Variants in SNRPD1 observed in about 807,000 individuals in gnomAD.
SNRPD1 encodes the protein small nuclear ribonucleoprotein Sm D1.
A neutral mutation model predicts 14.4 loss-of-function variants in SNRPD1; 1 was observed. The ratio of observed to expected loss-of-function variants is 0.07; its 90% CI spans 0.02 to 0.33. The LOEUF is 0.33. Ranked by LOEUF, SNRPD1 falls within the 10% of genes least tolerant of loss-of-function variation. The pLI, the probability that SNRPD1 is intolerant of heterozygous loss-of-function variation, is 1.00. For synonymous variants in SNRPD1, 42 were observed against 50.3 expected, an observed-to-expected ratio of 0.83 and a Z score of 0.70; for missense variants, 52 against 146.4, an observed-to-expected ratio of 0.36 and a Z score of 3.33.
chr18:21,624,209 T>C (rs954916788), intron 3 of SNRPD1, among the ~76,000 whole-genome samples: 2 of 151,304 alleles, frequency 1.3e-5, no homozygotes, highest in African/African-American at 4.9e-5. Context: ...TGAAGCCTCA[T>C]CTCTACTAAA....
chr18:21,628,277 G>A (rs1245042634), intron 3 of SNRPD1, among the ~76,000 whole-genome samples: 3 of 152,140 alleles, frequency 2.0e-5, no homozygotes, highest in Non-Finnish European at 4.4e-5. Flanking sequence ...CTACTCAGGA[G>A]GCTTAGATGG....
chr18:21,614,110 A>T (rs931123734), intron 1 of SNRPD1, among the ~76,000 whole-genome samples: 7 of 150,210 alleles, frequency 4.7e-5, no homozygotes, highest in Non-Finnish European at 8.9e-5. Flanking sequence ...CATTCTTTCG[A>T]AAAAATACAA....
chr18:21,620,331 C>G (rs1031125128), intron 1 of SNRPD1, among the ~76,000 whole-genome samples: 1 of 151,930 alleles, frequency 6.6e-6, no homozygotes, highest in Admixed American at 6.6e-5. Flanking sequence ...GAACTCCTGG[C>G]CTCAAGTGAT....
chr18:21,625,636 ACT>A (rs1225900231), intron 3 of SNRPD1, among the ~76,000 whole-genome samples: 1 of 147,804 alleles, frequency 6.8e-6, no homozygotes, highest in Non-Finnish European at 1.5e-5. Context: ...TTTGAGATGG[ACT>A]CTCACTCTGT....
chr18:21,622,094 A>G (rs1462134900), intron 1 of SNRPD1, among the ~76,000 whole-genome samples: 1 of 152,046 alleles, frequency 6.6e-6, no homozygotes, highest in African/African-American at 2.4e-5. Context: ...TTTACTTTAT[A>G]GGCATTATAA....
intron 3 of SNRPD1, among the ~76,000 whole-genome samples, chr18:21,627,057 G>A (rs2039045367): frequency 6.6e-6 from 1 of 151,154 alleles, no homozygotes; most frequent in Non-Finnish European, 1.5e-5. Context: ...GGAAGGCCGA[G>A]GCAGGTGGAT....
At chr18:21,620,575 TAA>T (rs749652026) in intron 1 of SNRPD1, among the ~76,000 whole-genome samples, 1 of 152,134 alleles carries the variant, frequency 6.6e-6, no homozygotes, top group African/African-American at 2.4e-5. Context: ...TTACACTGCA[TAA>T]AAAAGATCAA....
chr18:21,620,965 C>T (rs746628727), intron 1 of SNRPD1, among the ~76,000 whole-genome samples: 1 of 151,824 alleles, frequency 6.6e-6, no homozygotes, highest in Admixed American at 6.6e-5. Flanking sequence ...AGATCAAGGC[C>T]ATCGTGGTTA....
chr18:21,625,916 T>C (rs2039035295), intron 3 of SNRPD1, among the ~76,000 whole-genome samples: 1 of 152,090 alleles, frequency 6.6e-6, no homozygotes, highest in African/African-American at 2.4e-5. Context: ...GCCCAAAATC[T>C]TTTATCTACT....
Position 21,632,636 on chromosome 18 carries a change from G to C in SNRPD1, c.*3498G>C, listed in dbSNP as rs2039092687. 6.6e-6 allele frequency: 1 copy of C among 151,912 alleles called. No individual in the cohort carries two copies. The highest frequency in any genetic ancestry group is 1.5e-5 in the Non-Finnish European group (1 of 68,012). The allele number at this position is 151,912 out of a possible 1,614,324, so 9.4% of individuals were successfully genotyped here. On this transcript the variant is annotated 3_prime_UTR_variant, in exon 4 of 4. Transcript: ENST00000300413. ...AGGGCTAAAATTGGGTGAAGAAAAA[G>C]CTATTTGAACTGATTACCATCATTT...
At chr18:21,625,380 G>A (rs1172391190) in intron 3 of SNRPD1, among the ~76,000 whole-genome samples, 1 of 141,904 alleles carries the variant, frequency 7.0e-6, no homozygotes, top group Non-Finnish European at 1.5e-5. Context: ...GCAGTGGCAG[G>A]ATCTCAGCTC....
At chr18:21,614,881 T>G (rs147076410) in intron 1 of SNRPD1, among the ~76,000 whole-genome samples, 1 of 152,346 alleles carries the variant, frequency 6.6e-6, no homozygotes, top group East Asian at 1.9e-4. Context: ...AATTGTGTAT[T>G]TGTCCTGCCC....
rs561123695 is a variant in SNRPD1, at chr18:21,612,679, C to G, written c.14+236C>G. The stretch of plus-strand genomic sequence containing the variant: ...TAAAGGCCGAGCCTTTTCTTCCTGC[C>G]TAGTGACTTAGAGGCTTTAAAGATG... On this transcript the variant is annotated intron_variant, in intron 1 of 3. Transcript: ENST00000300413. Among the ~76,000 whole-genome samples the G allele has an allele frequency of 6.6e-5, 10 of 152,382 alleles. No homozygotes were observed. The South Asian group carries it at 8.3e-4, about 13-fold the overall frequency.
chr18:21,619,500 AAG>A (rs921117884), intron 1 of SNRPD1, among the ~76,000 whole-genome samples: 4 of 150,948 alleles, frequency 2.6e-5, no homozygotes, highest in Middle Eastern at 3.4e-3. Context: ...CTTTAAAAAA[AAG>A]GGCCAGGCCT....
At chr18:21,616,107 TCC>T (rs2038955327) in intron 1 of SNRPD1, among the ~76,000 whole-genome samples, 1 of 152,166 alleles carries the variant, frequency 6.6e-6, no homozygotes, top group African/African-American at 2.4e-5. Context: ...TGCCTCAGCC[TCC>T]CGAGTAGCTG....
At chr18:21,620,935 G>A (rs930070280) in intron 1 of SNRPD1, among the ~76,000 whole-genome samples, 1 of 151,976 alleles carries the variant, frequency 6.6e-6, no homozygotes, top group African/African-American at 2.4e-5. Flanking sequence ...AGGCCGAGGC[G>A]GGTGGATCAC....
chr18:21,616,009 G>A (rs146230791), intron 1 of SNRPD1, among the ~76,000 whole-genome samples: 83 of 152,112 alleles, frequency 5.5e-4, no homozygotes, highest in Non-Finnish European at 9.1e-4. Context: ...TTTTTGAGGC[G>A]GAGTCTCACT....
Position 21,631,135 on chromosome 18 carries a change from C to G in SNRPD1, c.*1997C>G, listed in dbSNP as rs1328564392. The G allele has an allele frequency of 6.6e-6, 1 of 151,696 alleles. No individual in the cohort carries two copies. The highest frequency in any genetic ancestry group is 1.5e-5 in the Non-Finnish European group (1 of 67,944). The allele number at this position is 151,696 out of a possible 1,614,324, so 9.4% of individuals were successfully genotyped here. A position where few individuals can be genotyped will look rare whatever the true frequency, so the allele number is the denominator to read the frequency against. On this transcript the variant is annotated 3_prime_UTR_variant, in exon 4 of 4. Coordinates refer to ENST00000300413, the MANE Select transcript of SNRPD1 (RefSeq NM_006938.4). ...TTCATGATGATTAAGACAATTTTTT[C>G]TTTCTTTCTTTTGAGACAGAGTCTT...
chr18:21,622,322 A>G (rs922970389), intron 1 of SNRPD1, among the ~76,000 whole-genome samples: 1 of 151,696 alleles, frequency 6.6e-6, no homozygotes, highest in African/African-American at 2.4e-5. Context: ...TGTATTTTTT[A>G]GTAGAGACGG....
Sources: gnomAD v4.1 joint callset for allele counts (sites outside exome capture counted in the v4.1 genomes callset) on GRCh38, gnomAD v4.1.1 for gene constraint, MANE v1.5 for transcripts, NCBI Gene and HGNC (gene_info 2026-07-23, HGNC 2026-07-21) for gene names.